The following GABRA3 variants were observed in gnomAD, a reference collection of about 807,000 sequenced individuals.
GABRA3 encodes the protein gamma-aminobutyric acid receptor subunit alpha-3.
In GABRA3, 10 loss-of-function variants were observed where a neutral mutation model predicts 30.1. The ratio of observed to expected loss-of-function variants is 0.33; its 90% CI spans 0.20 to 0.56. The LOEUF is 0.56. Ranked by LOEUF, GABRA3 falls within the 20% of genes least tolerant of loss-of-function variation. GABRA3 has a pLI of 0.89. For synonymous variants in GABRA3, 151 were observed against 146.8 expected (o/e 1.03, Z -0.21); for missense variants, 233 against 392.0 (o/e 0.59, Z 3.42).
chrX:152,274,223 T>C (rs1938999801), intron 4 of GABRA3, among the ~76,000 whole-genome samples: 1 of 111,016 alleles, frequency 9.0e-6, no homozygotes, highest in Non-Finnish European at 1.9e-5. Flanking sequence ...CAAGGAAAAA[T>C]CAACAAACCT....
chrX:152,303,807 G>A (rs7886679), intron 3 of GABRA3, among the ~76,000 whole-genome samples: 6,842 of 108,324 alleles, frequency 0.063, 275 homozygotes, highest in African/African-American at 0.12. Flanking sequence ...TCTGGGGCCT[G>A]TCAGGGGGTG....
chrX:152,393,538 G>A (rs1365166458), intron 1 of GABRA3: 2 of 358,202 alleles, frequency 5.6e-6, no homozygotes, highest in South Asian at 5.4e-5. Flanking sequence ...GCAGGTGGGT[G>A]TGATACAAGA....
intron 3 of GABRA3, among the ~76,000 whole-genome samples, chrX:152,296,468 G>A (rs1939529877): frequency 9.0e-6 from 1 of 111,513 alleles, no homozygotes; most frequent in Non-Finnish European, 1.9e-5. Context: ...TCATAAACAG[G>A]TTGCTTACGG....
chrX:152,249,467 C>T (rs143797360), intron 5 of GABRA3, among the ~76,000 whole-genome samples: 87 of 111,413 alleles, frequency 7.8e-4, no homozygotes, highest in East Asian at 2.8e-3. Context: ...ATATATAATA[C>T]GTAGTTGTCA....
At chrX:152,250,658 G>GAACAC in intron 5 of GABRA3, 1 of 111,327 alleles carries the variant, frequency 9.0e-6, no homozygotes, top group Non-Finnish European at 1.9e-5. Context: ...TTTAGTATGT[G>GAACAC]TGCTGATGAA....
chrX:152,324,527 G>C (rs1940021842), intron 3 of GABRA3, among the ~76,000 whole-genome samples: 1 of 111,863 alleles, frequency 8.9e-6, no homozygotes, highest in Non-Finnish European at 1.9e-5. Context: ...AAATTAAATA[G>C]ATTAGAGAAT....
At chrX:152,437,853 A>T (rs1472268049) in intron 1 of GABRA3, among the ~76,000 whole-genome samples, 1 of 112,340 alleles carries the variant, frequency 8.9e-6, no homozygotes, top group Non-Finnish European at 1.9e-5. Flanking sequence ...TACATTCTTA[A>T]CAAAAATTAG....
rs761815751 is a variant in GABRA3 at position 152,326,771 on chromosome X, C to G, written c.262+18810G>C. Among the ~76,000 whole-genome samples, 3 of 111,213 alleles carry G rather than the reference C, an allele frequency of 2.7e-5. No individual in the cohort carries two copies. The South Asian group carries it at 1.1e-3, about 42-fold the overall frequency. ...AAACATGCCAAATTGTAAAGACCAT[C>G]GATGCTAAGAAAAACTGCATCAACT... On this transcript the variant is annotated intron_variant, in intron 3 of 9. Coordinates refer to ENST00000370314, the MANE Select transcript of GABRA3 (RefSeq NM_000808.4).
intron 1 of GABRA3, chrX:152,392,334 A>ATAGGAG (rs1465511556): frequency 5.3e-6 from 2 of 379,260 alleles, no homozygotes; most frequent in Admixed American, 5.2e-5. Context: ...CATCCAATAT[A>ATAGGAG]TAGGAGTAGA....
At chrX:152,387,619 AAAGT>A (rs1929359577) in intron 1 of GABRA3, among the ~76,000 whole-genome samples, 1 of 111,641 alleles carries the variant, frequency 9.0e-6, no homozygotes, top group Non-Finnish European at 1.9e-5. Context: ...AAAACACAGA[AAAGT>A]AAGTCCTATG....
chrX:152,235,475 T>C (rs1012250169), intron 5 of GABRA3, among the ~76,000 whole-genome samples: 1 of 111,251 alleles, frequency 9.0e-6, no homozygotes, highest in Non-Finnish European at 1.9e-5. Flanking sequence ...TGATTACATA[T>C]ATTGAAAATC....
intron 1 of GABRA3, among the ~76,000 whole-genome samples, chrX:152,373,328 C>A (rs780022973): frequency 1.3e-4 from 14 of 111,197 alleles, no homozygotes; most frequent in African/African-American, 4.6e-4. Flanking sequence ...TGTTCCTCCC[C>A]ATGTGTGCAA....
At chrX:152,255,501 C>T (rs1938622353) in intron 5 of GABRA3, among the ~76,000 whole-genome samples, 1 of 111,402 alleles carries the variant, frequency 9.0e-6, no homozygotes, top group African/African-American at 3.3e-5. Context: ...TGTGTTAGTC[C>T]ACATGTGTCT....
At chrX:152,183,490 G>GA (rs139320784) in intron 9 of GABRA3, among the ~76,000 whole-genome samples, 16 of 103,148 alleles carry the variant, frequency 1.6e-4, no homozygotes, top group Non-Finnish European at 2.2e-4. Flanking sequence ...TTTATCTTTT[G>GA]AAAAAAAAAC....
At chrX:152,338,986 T>G (rs1037360605) in intron 3 of GABRA3, among the ~76,000 whole-genome samples, 2 of 111,586 alleles carry the variant, frequency 1.8e-5, no homozygotes, top group Non-Finnish European at 3.8e-5. Flanking sequence ...TTGTTATTTA[T>G]TTTCAAATTG....
At chrX:152,374,473 C>T (rs1452236655) in intron 1 of GABRA3, among the ~76,000 whole-genome samples, 2 of 108,041 alleles carry the variant, frequency 1.9e-5, no homozygotes, top group African/African-American at 6.8e-5. Flanking sequence ...GCCTCAGCCT[C>T]CCGAGTAGCT....
intron 5 of GABRA3, among the ~76,000 whole-genome samples, chrX:152,236,001 T>A (rs1938199560): frequency 9.3e-6 from 1 of 107,496 alleles, no homozygotes; most frequent in African/African-American, 3.4e-5. Context: ...TTTTTAATTT[T>A]TTTTTATTAT....
chrX:152,248,797 C>T (rs1938504324), intron 5 of GABRA3, among the ~76,000 whole-genome samples: 1 of 111,678 alleles, frequency 9.0e-6, no homozygotes, highest in Admixed American at 9.5e-5. Context: ...ATATTGCATT[C>T]TTGAAAAATG....
At chrX:152,286,131 GTATAT>G (rs1157587743) in intron 3 of GABRA3, among the ~76,000 whole-genome samples, 1 of 82,012 alleles carries the variant, frequency 1.2e-5, no homozygotes. Flanking sequence ...GTATAGTATA[GTATAT>G]AAGTTATATA....
Sources: gnomAD v4.1 joint callset for allele counts (sites outside exome capture counted in the v4.1 genomes callset) on GRCh38, gnomAD v4.1.1 for gene constraint, MANE v1.5 for transcripts, NCBI Gene and HGNC (gene_info 2026-07-23, HGNC 2026-07-21) for gene names.